GUCY1B1: variants seen among roughly 807,000 people sequenced by gnomAD.
The protein encoded by GUCY1B1 is guanylate cyclase soluble subunit beta-1.
In GUCY1B1, 43 loss-of-function variants were observed where a neutral mutation model predicts 71.0. The ratio of observed to expected loss-of-function variants is 0.61; its 90% CI spans 0.47 to 0.78. GUCY1B1 has a LOEUF of 0.78. Among genes scored for constraint, GUCY1B1 ranks in the 30% least tolerant of loss-of-function variants. The pLI, the probability that GUCY1B1 is intolerant of heterozygous loss-of-function variation, is 0.00. For synonymous variants in GUCY1B1, 266 were observed against 259.7 expected (o/e 1.02, Z -0.23); for missense variants, 535 against 754.1 (o/e 0.71, Z 3.40).
At chr4:155,793,106 C>T (rs1178328016) in intron 5 of GUCY1B1, among the ~76,000 whole-genome samples, 6 of 152,030 alleles carry the variant, frequency 3.9e-5, no homozygotes, top group African/African-American at 9.7e-5. Context: ...GACAGAGTCT[C>T]GTTCTGTCGC....
chr4:155,773,243 G>A (rs750390118), intron 2 of GUCY1B1, among the ~76,000 whole-genome samples: 5 of 152,172 alleles, frequency 3.3e-5, no homozygotes, highest in Admixed American at 1.3e-4. Flanking sequence ...TCTACAGTTG[G>A]CCATGTGGGT....
Position 155,806,821 on chromosome 4 carries a change from A to AT in GUCY1B1, c.*413dup, listed in dbSNP as rs959178728. The AT allele has an allele frequency of 6.2e-5, 10 of 162,198 alleles. No homozygotes were observed. Among genetic ancestry groups the AT allele is most frequent in the African/African-American group, 1.9e-4 (8 of 41,816 alleles). The allele number at this position is 162,198 out of a possible 1,614,324, so 10.0% of individuals were successfully genotyped here. On this transcript the variant is annotated 3_prime_UTR_variant, in exon 14 of 14. Transcript: ENST00000264424. The stretch of plus-strand genomic sequence containing the variant: ...TCTGTTTAGTGTTCCACATATATGT[A>AT]TATGTATATTTTAATGACTATAATG...
intron 4 of GUCY1B1, among the ~76,000 whole-genome samples, chr4:155,789,434 T>C (rs71605268): frequency 6.6e-6 from 1 of 152,220 alleles, no homozygotes; most frequent in African/African-American, 2.4e-5. Context: ...TTTTTTTCTG[T>C]TTTAGCCATC....
chr4:155,785,393 A>G (rs1738695675), intron 4 of GUCY1B1: 2 of 722,566 alleles, frequency 2.8e-6, no homozygotes, highest in African/African-American at 3.6e-5. Context: ...CTTCTTTGCA[A>G]TTGGCCACAC....
intron 4 of GUCY1B1, among the ~76,000 whole-genome samples, chr4:155,784,464 A>T (rs933734785): frequency 1.3e-5 from 2 of 152,138 alleles, no homozygotes; most frequent in Non-Finnish European, 2.9e-5. Flanking sequence ...TTCTTATAAA[A>T]CTTAACAAAA....
Position 155,802,246 on chromosome 4 carries a change from A to G in GUCY1B1, c.1176-96A>G. ...CTGCTAGAATCCAGGCCTTTAAAGTACAAACGACACTGATGCTGTGTGAAA... is the reference window on the plus strand; with the variant it reads ...CTGCTAGAATCCAGGCCTTTAAAGTGCAAACGACACTGATGCTGTGTGAAA... On this transcript the variant is annotated intron_variant, in intron 9 of 13. Transcript: ENST00000264424. This position sits in a 1 kb window ranked among gnomAD's most constrained non-coding sequence, Gnocchi z 4.3. 6.4e-7 allele frequency: 1 copy of G among 1,561,440 alleles called. No homozygotes were observed.
At chr4:155,805,415 G>T (rs1002903786) in intron 13 of GUCY1B1, among the ~76,000 whole-genome samples, 186 bp downstream of exon 13, 2 of 152,110 alleles carry the variant, frequency 1.3e-5, no homozygotes, top group African/African-American at 4.8e-5. Context: ...ACTTTTTAGG[G>T]GATACTTTAG....
At chr4:155,805,736 A>G (rs535306837) in intron 13 of GUCY1B1, among the ~76,000 whole-genome samples, 1 of 152,162 alleles carries the variant, frequency 6.6e-6, no homozygotes, top group African/African-American at 2.4e-5. Flanking sequence ...TCCTAGATAG[A>G]TGAGTGATTT....
intron 7 of GUCY1B1, 44 bp downstream of exon 7, chr4:155,795,501 CAA>C: frequency 1.1e-6 from 1 of 951,792 alleles, no homozygotes; most frequent in Non-Finnish European, 1.7e-6. Context: ...AGGTATGTCA[CAA>C]ATTAGAAGTA....
chr4:155,795,807 A>G (rs909667048), intron 7 of GUCY1B1, among the ~76,000 whole-genome samples: 1 of 152,054 alleles, frequency 6.6e-6, no homozygotes, highest in African/African-American at 2.4e-5. Context: ...ACTCAAAACC[A>G]CTTATTTATT....
chr4:155,788,359 C>T (rs1311979736), intron 4 of GUCY1B1, among the ~76,000 whole-genome samples: 1 of 152,222 alleles, frequency 6.6e-6, no homozygotes, highest in Non-Finnish European at 1.5e-5. Context: ...TCTCCTACAT[C>T]TCAGAACCAG....
In GUCY1B1 at chr4:155,802,179, TA is replaced by T; in HGVS notation, c.1176-162del. ...TTTATGTTTTCTGTAAATCCTTGCT[TA>T]TAAATACAGCTAATATTTGATGCTA... is the stretch of plus-strand genomic sequence containing the variant. On this transcript the variant is annotated intron_variant, in intron 9 of 13. Transcript: ENST00000264424. The surrounding 1 kb of genome is among the most constrained non-coding windows in gnomAD (Gnocchi z 4.3). 1 of 1,451,484 alleles carries T rather than the reference TA, an allele frequency of 6.9e-7. No homozygotes were observed. The highest frequency in any genetic ancestry group is 2.5e-5 in the Admixed American group (1 of 40,156). The allele number at this position is 1,451,484 out of a possible 1,614,324, so 89.9% of individuals were successfully genotyped here.
At chr4:155,764,513 A>G (rs984950902) in intron 2 of GUCY1B1, among the ~76,000 whole-genome samples, 1 of 152,210 alleles carries the variant, frequency 6.6e-6, no homozygotes, top group Non-Finnish European at 1.5e-5. Flanking sequence ...TTCTTTTAAG[A>G]TATAACTGTG....
At chr4:155,784,962 G>T (rs1738666499) in intron 4 of GUCY1B1, among the ~76,000 whole-genome samples, 1 of 152,044 alleles carries the variant, frequency 6.6e-6, no homozygotes, top group Non-Finnish European at 1.5e-5. Context: ...ATTGTCTTTT[G>T]TTTTCTAAAT....
chr4:155,784,016 A>G (rs2111077580), intron 4 of GUCY1B1, among the ~76,000 whole-genome samples: 1 of 152,276 alleles, frequency 6.6e-6, no homozygotes, highest in Non-Finnish European at 1.5e-5. Flanking sequence ...ATATTGATTA[A>G]TTGTTACATG....
chr4:155,801,841 G>GA (rs1739976435), intron 9 of GUCY1B1, among the ~76,000 whole-genome samples: 1 of 152,164 alleles, frequency 6.6e-6, no homozygotes, highest in African/African-American at 2.4e-5. Flanking sequence ...ATGGAGGAGT[G>GA]AGGCATGAAT....
At chr4:155,799,731 C>A in intron 8 of GUCY1B1, 146 bp from the exon 9 acceptor site, 1 of 487,388 alleles carries the variant, frequency 2.1e-6, no homozygotes. Flanking sequence ...TCACAATCTT[C>A]GTTCAATTCT....
Position 155,774,105 on chromosome 4 carries a change from C to T in GUCY1B1, c.78-863C>T, listed in dbSNP as rs533583397. 2.0e-5 allele frequency among the ~76,000 whole-genome samples: 3 copies of T among 152,278 alleles called. No homozygotes were observed. In the South Asian group the frequency reaches 6.2e-4, roughly 32 times the overall value. Reference sequence around the variant, plus strand: ...CCAGGTGAATCCCTTTAACCTAGAGCAGTTTATATCACCACTCATGTCACA... The same window carrying T: ...CCAGGTGAATCCCTTTAACCTAGAGTAGTTTATATCACCACTCATGTCACA... On this transcript the variant is annotated intron_variant, in intron 2 of 13. Coordinates refer to ENST00000264424, the MANE Select transcript of GUCY1B1 (RefSeq NM_000857.5).
At chr4:155,793,277 A>G (rs887956177) in intron 5 of GUCY1B1, among the ~76,000 whole-genome samples, 7 of 152,008 alleles carry the variant, frequency 4.6e-5, no homozygotes, top group African/African-American at 9.7e-5. Flanking sequence ...GGGTTTTGCC[A>G]TGTTGGCCAG....
Sources: gnomAD v4.1 joint callset for allele counts (sites outside exome capture counted in the v4.1 genomes callset) on GRCh38, gnomAD v4.1.1 for gene constraint, Gnocchi (gnomAD v3.1) non-coding constraint, MANE v1.5 for transcripts, NCBI Gene and HGNC (gene_info 2026-07-23, HGNC 2026-07-21) for gene names.